Variants in MYO1C observed in about 807,000 individuals in gnomAD.
MYO1C encodes the protein unconventional myosin-Ic.
A neutral mutation model predicts 150.8 loss-of-function variants in MYO1C; 104 were observed. The observed-to-expected ratio is 0.69, with a 90% CI of 0.59 to 0.81. The LOEUF (loss-of-function observed/expected upper bound fraction) is 0.81. Among genes scored for constraint, MYO1C ranks in the 30% least tolerant of loss-of-function variants. The probability of loss-of-function intolerance (pLI) is 0.00; values close to 1 mark genes in which losing one functional copy is unlikely to be tolerated. For synonymous variants in MYO1C, 663 were observed against 579.9 expected, an observed-to-expected ratio of 1.14 and a Z score of -2.06; for missense variants, 1,504 against 1,435.0, an observed-to-expected ratio of 1.05 and a Z score of -0.78.
intron 14 of MYO1C, among the ~76,000 whole-genome samples, chr17:1,475,596 C>A (rs1033721517): frequency 6.6e-6 from 1 of 152,232 alleles, no homozygotes; most frequent in Non-Finnish European, 1.5e-5. Flanking sequence ...TCGGCCGCTG[C>A]GGGCTCTGCT....
intron 25 of MYO1C, 27 bp downstream of exon 25, chr17:1,469,504 A>G (rs1448982758): frequency 6.4e-7 from 1 of 1,571,912 alleles, no homozygotes; most frequent in Non-Finnish European, 8.7e-7. Flanking sequence ...CCACTTCCTC[A>G]TCCTCACCCA....
At position 1,481,826 on chromosome 17, in the gene MYO1C, T is replaced by TAAA. The variant is rs36123893; in HGVS notation, c.627+649_627+651dup. 4.2e-3 allele frequency among the ~76,000 whole-genome samples: 566 copies of TAAA among 134,502 alleles called. 4 individuals carry two copies. Among genetic ancestry groups the TAAA allele is most frequent in the South Asian group, 0.019 (80 of 4,112 alleles). 88.2% of individuals were successfully genotyped at this position (134,502 alleles called of 152,430 possible). On this transcript the variant is annotated intron_variant, in intron 5 of 31. Coordinates refer to ENST00000648651, the MANE Select transcript of MYO1C (RefSeq NM_001080779.2). ...CGATGACTCCCCTTCTACTCAGAGTTAAAAAAAAAAAAAAAAAGTTCTTGC... is the reference window on the plus strand; with the variant it reads ...CGATGACTCCCCTTCTACTCAGAGTTAAAAAAAAAAAAAAAAAAAAGTTCTTGC...
Position 1,484,275 on chromosome 17 carries a change from G to A in MYO1C, c.104C>T (p.Thr35Ile), listed in dbSNP as rs774382443. 2 of 1,611,536 alleles carry A rather than the reference G, an allele frequency of 1.2e-6. No homozygotes were observed. Among genetic ancestry groups the A allele is most frequent in the South Asian group, 2.2e-5 (2 of 91,086 alleles). ...ACGGGCGGTGAGCGCACTCTCCATG[G>A]TCACCCGAACCCCGTCACTGCCCAG... Reference protein sequence around the residue: ...LALGSDGVRVTMESALTARDR... With the variant: ...LALGSDGVRVIMESALTARDR... The change falls in exon 2 of 32, where the codon ACC (threonine) becomes ATC (isoleucine). Residue 35 changes from threonine to isoleucine, a missense_variant. Physicochemically the swap from Thr to Ile is moderately conservative, Grantham distance 89. Coordinates refer to ENST00000648651, the MANE Select transcript of MYO1C (RefSeq NM_001080779.2).
At chr17:1,489,054 T>A (rs1286240009) in intron 1 of MYO1C, among the ~76,000 whole-genome samples, 1 of 152,164 alleles carries the variant, frequency 6.6e-6, no homozygotes, top group Non-Finnish European at 1.5e-5. Context: ...GGAGGTGTCA[T>A]CTGAGGCACC....
intron 1 of MYO1C, chr17:1,484,547 C>G: frequency 3.3e-6 from 2 of 600,888 alleles, no homozygotes; most frequent in Non-Finnish European, 6.0e-6. Context: ...ACCGAGGCTG[C>G]GGGCACAGAA....
chr17:1,492,408 C>T lies in MYO1C; in HGVS notation c.75+5G>A, dbSNP rs760240018. On this transcript the variant is annotated splice_donor_5th_base_variant and intron_variant, in intron 1 of 31. Coordinates refer to ENST00000648651, the MANE Select transcript of MYO1C (RefSeq NM_001080779.2). ...CTCCTCCCAGCCCAGAGCATCCCAG[C>T]TTACAAGCTTGCAGGGCCTGTGGGG... 8 of 1,601,254 alleles carry T rather than the reference C, an allele frequency of 5.0e-6. No individual in the cohort carries two copies. Among genetic ancestry groups the T allele is most frequent in the South Asian group, 1.1e-5 (1 of 88,914 alleles).
rs754963919 is a variant in MYO1C at position 1,480,888 on chromosome 17, G to A, written c.628-3C>T. The A allele has an allele frequency of 4.3e-6, 7 of 1,613,814 alleles. No individual in the cohort carries two copies. The Admixed American group carries it at 1.2e-4, about 27-fold the overall frequency. ...ATGTGGCCACCCACGGGGGCACCCT[G>A]TGGGCAGGGCAGGGCATGAGGCCGG... On this transcript the variant is annotated splice_region_variant and splice_polypyrimidine_tract_variant and intron_variant, in intron 5 of 31. Coordinates refer to ENST00000648651, the MANE Select transcript of MYO1C (RefSeq NM_001080779.2).
rs915448666 is a variant in MYO1C, at chr17:1,469,728, C to T, written c.2527-114G>A. On this transcript the variant is annotated intron_variant, in intron 24 of 31. Transcript: ENST00000648651. ...AAGTAACACCCCCTCCATCTGGAGA[C>T]GCTTCCGGTCAAGAGACCTTACTCG... 190 of 904,758 alleles carry T rather than the reference C, an allele frequency of 2.1e-4. 2 individuals carry two copies. In the East Asian group the frequency reaches 3.2e-3, roughly 15 times the overall value. The allele number at this position is 904,758 out of a possible 1,614,324, so 56.0% of individuals were successfully genotyped here. A position where few individuals can be genotyped will look rare whatever the true frequency, so the allele number is the denominator to read the frequency against.
Position 1,492,652 on chromosome 17 carries a change from A to C in MYO1C, c.-165T>G. On this transcript the variant is annotated 5_prime_UTR_variant, in exon 1 of 32. Transcript: ENST00000648651. Reference sequence around the variant, plus strand: ...CAGCCCCAGGGGATGTGGCTGGTCCAGCTCCTCAGGACACGGCTGGAGCCG... The same window carrying C: ...CAGCCCCAGGGGATGTGGCTGGTCCCGCTCCTCAGGACACGGCTGGAGCCG... 1 of 691,344 alleles carries C rather than the reference A, an allele frequency of 1.4e-6. No individual in the cohort carries two copies. The highest frequency in any genetic ancestry group is 2.1e-5 in the Admixed American group (1 of 47,788). The allele number at this position is 691,344 out of a possible 1,614,324, so 42.8% of individuals were successfully genotyped here.
intron 1 of MYO1C, chr17:1,485,298 T>G (rs140754233): frequency 0.015 from 16,432 of 1,114,690 alleles, 144 homozygotes; most frequent in Non-Finnish European, 0.017. Flanking sequence ...GTGGTGGTGA[T>G]TGGGGGTGGA....
chr17:1,479,570 G>A lies in MYO1C; in HGVS notation c.1020+22C>T, dbSNP rs750607720. 22 of 1,369,876 alleles carry A rather than the reference G, an allele frequency of 1.6e-5. No homozygotes were observed. The highest frequency in any genetic ancestry group is 6.0e-5 in the South Asian group (5 of 83,464). The allele number at this position is 1,369,876 out of a possible 1,614,324, so 84.9% of individuals were successfully genotyped here. Reference sequence around the variant, plus strand: ...CCCCCGCCCCCGCCGTCCTCCCGTCGCCCTCTGCCCGCCCCACTCACCCTG... The same window carrying A: ...CCCCCGCCCCCGCCGTCCTCCCGTCACCCTCTGCCCGCCCCACTCACCCTG... On this transcript the variant is annotated intron_variant, in intron 8 of 31. Transcript: ENST00000648651. The surrounding 1 kb of genome is among the most constrained non-coding windows in gnomAD (Gnocchi z 4.2).
chr17:1,485,826 G>A, intron 1 of MYO1C: 2 of 422,392 alleles, frequency 4.7e-6, no homozygotes, highest in Non-Finnish European at 6.3e-6. Context: ...CCCCCACCCG[G>A]GCCCCTGAAG....
chr17:1,468,142 C>T lies in MYO1C; in HGVS notation c.2761-19G>A, dbSNP rs1183114240. 2.5e-6 allele frequency: 4 copies of T among 1,612,910 alleles called. No individual in the cohort carries two copies. The highest frequency in any genetic ancestry group is 3.4e-6 in the Non-Finnish European group (4 of 1,179,968). ...CCGCATACTGGGGACAGAGGCCAGG[C>T]TGAAGGGGCTGGGGAGAGGCTCCCA... On this transcript the variant is annotated intron_variant, in intron 27 of 31. Transcript: ENST00000648651.
chr17:1,488,696 C>G (rs2074695942), intron 1 of MYO1C, among the ~76,000 whole-genome samples: 1 of 152,244 alleles, frequency 6.6e-6, no homozygotes, highest in African/African-American at 2.4e-5. Flanking sequence ...TGACACCGTT[C>G]AGGCCCCTGT....
intron 1 of MYO1C, among the ~76,000 whole-genome samples, chr17:1,487,612 C>G (rs1312752603): frequency 1.3e-5 from 2 of 152,042 alleles, no homozygotes; most frequent in African/African-American, 4.8e-5. Flanking sequence ...CTGCGGTGCC[C>G]CCAGGTTTAA....
At chr17:1,475,109 AG>A in intron 14 of MYO1C, 77 bp from the exon 15 acceptor site, 1 of 1,430,048 alleles carries the variant, frequency 7.0e-7, no homozygotes, top group Non-Finnish European at 9.6e-7. Flanking sequence ...GGGCCTCAGG[AG>A]CAGGAACCAG....
At chr17:1,490,520 AAAAC>A (rs1400810970) in intron 1 of MYO1C, among the ~76,000 whole-genome samples, 5 of 151,946 alleles carry the variant, frequency 3.3e-5, no homozygotes, top group African/African-American at 7.3e-5. Flanking sequence ...AACAACAACA[AAAAC>A]AAACAAAAAC....
At chr17:1,485,219 C>T (rs2074626936) in intron 1 of MYO1C, 8 of 1,174,672 alleles carry the variant, frequency 6.8e-6, no homozygotes, top group Non-Finnish European at 8.6e-6. Flanking sequence ...AGATGGATCC[C>T]TCTTCAAACA....
rs1220272222 is a variant in MYO1C at position 1,471,957 on chromosome 17, C to A, written c.1971G>T (p.Val657=). 3 of 1,614,036 alleles carry A rather than the reference C, an allele frequency of 1.9e-6. No homozygotes were observed. The highest frequency in any genetic ancestry group is 1.7e-6 in the Non-Finnish European group (2 of 1,180,034). ...KYLGLLENLR[V]RRAGFAYRRK... ...GGCGATAGGCAAAGCCGGCTCTGCG[C>A]ACGCGCAGGTTTTCCAACAGCCCCA... The change falls in exon 19 of 32, where the codon GTG becomes GTT. Residue 657 remains valine, a synonymous_variant. Coordinates refer to ENST00000648651, the MANE Select transcript of MYO1C (RefSeq NM_001080779.2).
Sources: allele counts gnomAD v4.1 joint callset (sites outside exome capture counted in the v4.1 genomes callset), GRCh38; gene constraint gnomAD v4.1.1; non-coding constraint Gnocchi (gnomAD v3.1); transcripts MANE v1.5; gene names NCBI Gene and HGNC (gene_info 2026-07-23, HGNC 2026-07-21).